Variants in NCOR2 observed in about 807,000 individuals in gnomAD.
NCOR2 encodes the protein CTG repeat protein 26.
Under a neutral mutation model 262.9 loss-of-function variants are expected in NCOR2, and 81 were observed. The ratio of observed to expected loss-of-function variants is 0.31; its 90% CI spans 0.26 to 0.37. The LOEUF (loss-of-function observed/expected upper bound fraction) is 0.37. NCOR2 is among the 10% of genes least tolerant of loss of function. NCOR2 has a pLI of 1.00. For missense variants in NCOR2, 3,385 were observed against 3,621.4 expected (o/e 0.93, Z 1.68); for synonymous variants, 1,659 against 1,559.3 (o/e 1.06, Z -1.51).
intron 1 of NCOR2, among the ~76,000 whole-genome samples, chr12:124,514,983 G>A (rs775081568): frequency 5.9e-5 from 9 of 151,722 alleles, no homozygotes; most frequent in South Asian, 2.1e-4. Context: ...CCATGCCCAC[G>A]GGACACAAGC....
At chr12:124,524,756 C>G (rs184543722) in intron 1 of NCOR2, among the ~76,000 whole-genome samples, 1 of 152,232 alleles carries the variant, frequency 6.6e-6, no homozygotes, top group Admixed American at 6.5e-5. Context: ...CGTCCCTGGA[C>G]GCCTGGCCTG....
chr12:124,359,101 G>C (rs912305240), intron 22 of NCOR2, among the ~76,000 whole-genome samples: 1 of 152,202 alleles, frequency 6.6e-6, no homozygotes, highest in Non-Finnish European at 1.5e-5. Context: ...GCGGGGCCCC[G>C]GGGCTCAGGC....
At chr12:124,393,330 C>T (rs2041442443) in intron 16 of NCOR2, among the ~76,000 whole-genome samples, 1 of 152,208 alleles carries the variant, frequency 6.6e-6, no homozygotes, top group Non-Finnish European at 1.5e-5. Context: ...CATTCTCGGT[C>T]CTCAGGCAGC....
intron 10 of NCOR2, among the ~76,000 whole-genome samples, chr12:124,428,086 T>TGTGTGTGTGTGTAC (rs958627720): frequency 6.8e-6 from 1 of 147,054 alleles, no homozygotes; most frequent in African/African-American, 2.6e-5. Flanking sequence ...TGTGTGTGTG[T>TGTGTGTGTGTGTAC]GTACATGCAA....
rs763944351 is a variant in NCOR2 at position 124,335,266 on chromosome 12, C to T, written c.6280G>A (p.Gly2094Ser). 8.1e-6 allele frequency: 13 copies of T among 1,602,868 alleles called. No homozygotes were observed. The South Asian group carries it at 1.3e-4, about 16-fold the overall frequency. The stretch of plus-strand genomic sequence containing the variant: ...TGTGGGAGGTGGGCGGCCTCCCCGC[C>T]AAGCTTCACGGGGCCTGCAGGCAGA... The change falls in exon 40 of 47, where the codon GGC becomes AGC. Residue 2094 changes from glycine to serine, a missense_variant. Transcript: ENST00000405201.
intron 5 of NCOR2, among the ~76,000 whole-genome samples, chr12:124,460,015 T>A (rs1206927031): frequency 1.3e-5 from 2 of 152,074 alleles, no homozygotes; most frequent in Non-Finnish European, 2.9e-5. Context: ...TGACTCAGCC[T>A]CCCCTCCCCA....
At chr12:124,405,590 T>C (rs922226678) in intron 13 of NCOR2, among the ~76,000 whole-genome samples, 3 of 152,228 alleles carry the variant, frequency 2.0e-5, no homozygotes, top group Admixed American at 6.5e-5. Context: ...CCTTAAAATA[T>C]GCTTTCCAGT....
chr12:124,390,568 C>T lies in NCOR2; in HGVS notation c.1877-4681G>A, dbSNP rs549660676. ...TTAGCTCCCTCGTCCCACTGCTCAT[C>T]GGCAGGTGTCCGGGGCCTGCTGAGC... is the stretch of plus-strand genomic sequence containing the variant. On this transcript the variant is annotated intron_variant, in intron 16 of 46. Transcript: ENST00000405201. Among the ~76,000 whole-genome samples, 211 of 151,844 alleles carry T rather than the reference C, an allele frequency of 1.4e-3. 2 individuals carry two copies. The highest frequency in any genetic ancestry group is 4.9e-3 in the African/African-American group (203 of 41,314).
chr12:124,398,471 C>T (rs1488106818), intron 15 of NCOR2, among the ~76,000 whole-genome samples: 8 of 152,200 alleles, frequency 5.3e-5, no homozygotes, highest in East Asian at 3.8e-4. Flanking sequence ...GGGGCACCTG[C>T]GATCACCCCA....
Position 124,457,170 on chromosome 12 carries a change from G to A in NCOR2, c.706-8C>T, listed in dbSNP as rs1244933256. 1 of 1,536,028 alleles carries A rather than the reference G, an allele frequency of 6.5e-7. No homozygotes were observed. Among genetic ancestry groups the A allele is most frequent in the Non-Finnish European group, 8.7e-7 (1 of 1,152,762 alleles). ...TGCAGCTTCAGCCTTCTTCTGCAGG[G>A]TGATGGCGAAGAGGAGGAATTTTTT... On this transcript the variant is annotated splice_polypyrimidine_tract_variant and splice_region_variant and intron_variant, in intron 5 of 46. Transcript: ENST00000405201. The surrounding 1 kb of genome is among the most constrained non-coding windows in gnomAD (Gnocchi z 4.0).
intron 21 of NCOR2, 59 bp from the exon 24 acceptor site, chr12:124,362,356 G>T: frequency 1.5e-6 from 2 of 1,327,084 alleles, no homozygotes; most frequent in East Asian, 2.6e-5. Flanking sequence ...GACAGGGTCA[G>T]GGAGAGACAT....
exon 45 of NCOR2, chr12:124,327,524 C>T: frequency 3.7e-6 from 6 of 1,613,830 alleles, no homozygotes; most frequent in Non-Finnish European, 5.1e-6. Context: ...GCGGCGGGGA[C>T]TCTTCCCACT....
In NCOR2 at chr12:124,543,784, G is replaced by A. The variant is rs191406174; in HGVS notation, c.-164-8173C>T. Among the ~76,000 whole-genome samples the A allele has an allele frequency of 5.3e-5, 8 of 152,296 alleles. No homozygotes were observed. In the East Asian group the frequency reaches 1.4e-3, roughly 26 times the overall value. Reference sequence around the variant, plus strand: ...CAGGGCAGGGAGCGCAGCCCAGGCCGGGAGGCCGCGGAGGCCCCACGCGGC... The same window carrying A: ...CAGGGCAGGGAGCGCAGCCCAGGCCAGGAGGCCGCGGAGGCCCCACGCGGC... On this transcript the variant is annotated intron_variant, in intron 1 of 32. Transcript: ENST00000458234.
At chr12:124,358,013 C>T (rs56925053) in intron 22 of NCOR2, among the ~76,000 whole-genome samples, 4 of 109,566 alleles carry the variant, frequency 3.7e-5, no homozygotes, top group African/African-American at 1.1e-4. Flanking sequence ...TGTGTGCACA[C>T]GTGCGTGCAT....
chr12:124,496,211 C>T (rs1565997155), upstream of NCOR2, among the ~76,000 whole-genome samples: 2 of 151,846 alleles, frequency 1.3e-5, no homozygotes. The surrounding 1 kb of genome is among the most constrained non-coding windows in gnomAD (Gnocchi z 4.4). Context: ...GCTGCCTTTG[C>T]CAGGAAACCC....
intron 5 of NCOR2, among the ~76,000 whole-genome samples, chr12:124,461,104 C>T (rs2046136731): frequency 6.6e-6 from 1 of 152,252 alleles, no homozygotes; most frequent in Admixed American, 6.5e-5. Flanking sequence ...GGCTGGAATT[C>T]AGGGGACTCA....
rs1470981229 is a variant in NCOR2, at chr12:124,523,848, G to A, written c.-118+11717C>T. On this transcript the variant is annotated intron_variant, in intron 1 of 46. Transcript: ENST00000404621. The surrounding 1 kb of genome is among the most constrained non-coding windows in gnomAD (Gnocchi z 4.0). ...GTGACTTGCCCAAGGGGACGGGGCT[G>A]GGAAGTGGCAATGTCGGTTTTGAAC... 1.3e-5 allele frequency among the ~76,000 whole-genome samples: 2 copies of A among 152,152 alleles called. No homozygotes were observed. The highest frequency in any genetic ancestry group is 4.8e-5 in the African/African-American group (2 of 41,414).
At chr12:124,386,814 G>GGC (rs1414537164) in intron 16 of NCOR2, among the ~76,000 whole-genome samples, 3 of 152,230 alleles carry the variant, frequency 2.0e-5, no homozygotes, top group African/African-American at 7.2e-5. Flanking sequence ...GGCGAGCTGC[G>GGC]GCACACACAG....
chr12:124,433,297 C>T (rs560595390), intron 8 of NCOR2, among the ~76,000 whole-genome samples: 32 of 152,200 alleles, frequency 2.1e-4, no homozygotes, highest in East Asian at 1.4e-3. Flanking sequence ...ACTGCAGGGA[C>T]GGCAACAACC....
Sources: gnomAD v4.1 joint callset for allele counts (sites outside exome capture counted in the v4.1 genomes callset) on GRCh38, gnomAD v4.1.1 for gene constraint, Gnocchi (gnomAD v3.1) non-coding constraint, MANE v1.5 for transcripts, NCBI Gene and HGNC (gene_info 2026-07-23, HGNC 2026-07-21) for gene names.